PAX5: variants seen among roughly 807,000 people sequenced by gnomAD.
PAX5 encodes the protein paired box 5.
PAX5 carries 9 observed loss-of-function variants against 43.7 expected under a neutral mutation model. The observed-to-expected ratio is 0.21, with a 90% CI of 0.12 to 0.36. The LOEUF is 0.36. PAX5 is among the 10% of genes least tolerant of loss of function. The probability of loss-of-function intolerance (pLI) is 1.00; values close to 1 mark genes in which losing one functional copy is unlikely to be tolerated. For missense variants in PAX5, 383 were observed against 532.7 expected (o/e 0.72, Z 2.77); for synonymous variants, 228 against 214.3 (o/e 1.06, Z -0.56).
At chr9:36,904,766 A>G (rs557650446) in intron 7 of PAX5, among the ~76,000 whole-genome samples, 92 of 152,314 alleles carry the variant, frequency 6.0e-4, no homozygotes, top group Non-Finnish European at 1.2e-3. Context: ...AATGACCTAG[A>G]AGGGTGGAGT....
intron 5 of PAX5, among the ~76,000 whole-genome samples, chr9:36,998,982 G>A (rs985354171): frequency 3.3e-5 from 5 of 151,542 alleles, no homozygotes; most frequent in Admixed American, 1.3e-4. Flanking sequence ...AAAATTACAC[G>A]TGGCTTGCAT....
intron 6 of PAX5, among the ~76,000 whole-genome samples, chr9:36,965,247 A>G (rs1834316300): frequency 1.3e-5 from 2 of 152,078 alleles, no homozygotes; most frequent in South Asian, 4.2e-4. Flanking sequence ...TTCTATTGGG[A>G]TTCTTCCACA....
intron 5 of PAX5, among the ~76,000 whole-genome samples, chr9:36,989,951 C>T (rs376543662): frequency 1.3e-5 from 2 of 152,198 alleles, no homozygotes; most frequent in East Asian, 3.9e-4. Flanking sequence ...GGAAAACAGG[C>T]GAGTGACAAA....
At chr9:36,928,529 C>T (rs1231389195) in intron 6 of PAX5, among the ~76,000 whole-genome samples, 3 of 152,198 alleles carry the variant, frequency 2.0e-5, no homozygotes, top group Admixed American at 6.5e-5. Flanking sequence ...GAACATGGAA[C>T]ATCCTTAGTG....
intron 6 of PAX5, among the ~76,000 whole-genome samples, chr9:36,932,522 A>C (rs751427400): frequency 1.3e-5 from 2 of 152,210 alleles, no homozygotes; most frequent in Non-Finnish European, 2.9e-5. Context: ...GAAGTGGCAA[A>C]TCTACAAGCA....
At chr9:36,949,394 T>G (rs187923995) in intron 6 of PAX5, among the ~76,000 whole-genome samples, 1 of 149,792 alleles carries the variant, frequency 6.7e-6, no homozygotes, top group Non-Finnish European at 1.5e-5. Flanking sequence ...ATTTTACTTA[T>G]GAGAAAACTG....
At chr9:36,929,235 GAGGAAGGAAGGA>G (rs56223123) in intron 6 of PAX5, among the ~76,000 whole-genome samples, 15,418 of 134,156 alleles carry the variant, frequency 0.11, 1,127 homozygotes, top group African/African-American at 0.22. Context: ...AGGAAGGAAG[GAGGAAGGAAGGA>G]AGGAAGGAAG....
intron 6 of PAX5, among the ~76,000 whole-genome samples, chr9:36,929,795 C>T (rs1173426435): frequency 6.6e-6 from 1 of 152,176 alleles, no homozygotes; most frequent in African/African-American, 2.4e-5. Flanking sequence ...GGTGCAATCT[C>T]GGCTCACTGC....
chr9:36,907,751 G>T (rs996185648), intron 7 of PAX5, among the ~76,000 whole-genome samples: 11 of 152,190 alleles, frequency 7.2e-5, no homozygotes, highest in Non-Finnish European at 1.2e-4. Flanking sequence ...TAAACTGTAT[G>T]TGTACATCCT....
intron 5 of PAX5, among the ~76,000 whole-genome samples, chr9:36,990,805 C>T (rs62533697): frequency 2.0e-5 from 3 of 152,182 alleles, no homozygotes; most frequent in Non-Finnish European, 4.4e-5. Flanking sequence ...CCCCTGCTTC[C>T]CGCTAATTTA....
At chr9:36,966,811 G>A in intron 5 of PAX5, 87 bp from the exon 6 acceptor site, 1 of 1,234,616 alleles carries the variant, frequency 8.1e-7, no homozygotes, top group Non-Finnish European at 1.2e-6. Flanking sequence ...CTATGAAGAG[G>A]ACCTGACCCC....
chr9:37,007,899 A>C (rs1442150945), intron 3 of PAX5: 1 of 152,108 alleles, frequency 6.6e-6, no homozygotes, highest in Non-Finnish European at 1.5e-5. Context: ...GTTTGTTTTG[A>C]GACAGAGTCT....
At chr9:36,860,061 G>A (rs937379141) in intron 8 of PAX5, among the ~76,000 whole-genome samples, 1 of 150,526 alleles carries the variant, frequency 6.6e-6, no homozygotes, top group Non-Finnish European at 1.5e-5. Flanking sequence ...TCTGGGGGCC[G>A]GGCATAGTGG....
chr9:36,908,241 G>A (rs575326400), intron 7 of PAX5, among the ~76,000 whole-genome samples: 3 of 150,520 alleles, frequency 2.0e-5, no homozygotes, highest in African/African-American at 7.3e-5. Flanking sequence ...AGAGAATGGT[G>A]AGAGATTAAA....
chr9:36,917,362 G>A (rs1829806739), intron 7 of PAX5, among the ~76,000 whole-genome samples: 1 of 152,176 alleles, frequency 6.6e-6, no homozygotes, highest in Admixed American at 6.5e-5. Context: ...TGGGGACCAT[G>A]GGGACCTGTC....
chr9:36,942,219 C>T lies in PAX5; in HGVS notation c.781-18735G>A, dbSNP rs552254759. On this transcript the variant is annotated intron_variant, in intron 6 of 9. Transcript: ENST00000358127. ...CTGAGCTGAAGGGATTTGGGGTATC[C>T]CCATTCCCATCCCCTCAATTTTCAG... is the stretch of plus-strand genomic sequence containing the variant. 2.0e-5 allele frequency among the ~76,000 whole-genome samples: 3 copies of T among 152,296 alleles called. No homozygotes were observed. The South Asian group carries it at 6.2e-4, about 32-fold the overall frequency.
At chr9:36,960,099 C>A (rs565087470) in intron 6 of PAX5, among the ~76,000 whole-genome samples, 2 of 152,284 alleles carry the variant, frequency 1.3e-5, no homozygotes, top group South Asian at 4.1e-4. Flanking sequence ...TGGTGCAGGC[C>A]GAATTGGTGC....
At chr9:37,002,831 G>A in intron 4 of PAX5, 55 bp from the exon 5 acceptor site, 1 of 1,554,652 alleles carries the variant, frequency 6.4e-7, no homozygotes, top group African/African-American at 1.4e-5. Flanking sequence ...GCGGCGGACC[G>A]GCTGTCACCG....
At chr9:36,995,796 C>T (rs1403852147) in intron 5 of PAX5, among the ~76,000 whole-genome samples, 1 of 152,062 alleles carries the variant, frequency 6.6e-6, no homozygotes, top group African/African-American at 2.4e-5. Flanking sequence ...GGCTGGTGGC[C>T]CCAACAACCC....
Sources: gnomAD v4.1 joint callset for allele counts (sites outside exome capture counted in the v4.1 genomes callset) on GRCh38, gnomAD v4.1.1 for gene constraint, MANE v1.5 for transcripts, NCBI Gene and HGNC (gene_info 2026-07-23, HGNC 2026-07-21) for gene names.